STAB2: variants seen among roughly 807,000 people sequenced by gnomAD.
STAB2 encodes stabilin 2.
In STAB2, 288 loss-of-function variants were observed where a neutral mutation model predicts 338.1. That is an observed-to-expected ratio of 0.85 (90% CI 0.77 to 0.94). The LOEUF (loss-of-function observed/expected upper bound fraction) is 0.94, where lower values mean the gene tolerates loss of function less well. Among genes scored for constraint, STAB2 ranks in the 40% least tolerant of loss-of-function variants. The pLI, the probability that STAB2 is intolerant of heterozygous loss-of-function variation, is 0.00. For synonymous variants in STAB2, 1,202 were observed against 1,193.3 expected, an observed-to-expected ratio of 1.01 and a Z score of -0.15; for missense variants, 3,141 against 3,210.1, an observed-to-expected ratio of 0.98 and a Z score of 0.52.
At chr12:103,646,332 G>A (rs1422666760) in intron 9 of STAB2, among the ~76,000 whole-genome samples, 1 of 152,164 alleles carries the variant, frequency 6.6e-6, no homozygotes, top group Non-Finnish European at 1.5e-5. Flanking sequence ...CACTTACAAT[G>A]AAACTTCATT....
chr12:103,749,841 C>CAAAAAAAAAAAAAAAAAAAAA (rs369556936), intron 59 of STAB2, among the ~76,000 whole-genome samples: 2 of 51,152 alleles, frequency 3.9e-5, no homozygotes, highest in African/African-American at 7.1e-5. Context: ...CTCTGTCTCA[C>CAAAAAAAAAAAAAAAAAAAAA]AAAAAAAAAA....
intron 5 of STAB2, among the ~76,000 whole-genome samples, chr12:103,630,305 T>C (rs573195428): frequency 2.6e-5 from 4 of 152,214 alleles, no homozygotes; most frequent in Non-Finnish European, 5.9e-5. Flanking sequence ...TGATGGCTTA[T>C]TAGATGTTTG....
intron 2 of STAB2, among the ~76,000 whole-genome samples, chr12:103,591,705 G>A (rs550376256): frequency 6.6e-6 from 1 of 152,220 alleles, no homozygotes; most frequent in Admixed American, 6.5e-5. Context: ...CGAAGAAGGG[G>A]GAAAGATGAA....
intron 28 of STAB2, 63 bp from the exon 29 acceptor site, chr12:103,689,783 T>A: frequency 6.4e-7 from 1 of 1,573,662 alleles, no homozygotes; most frequent in Non-Finnish European, 8.6e-7. Context: ...TTCCAAGCAT[T>A]TAAGGCAGCT....
intron 9 of STAB2, among the ~76,000 whole-genome samples, chr12:103,641,830 G>T (rs1040015165): frequency 5.9e-5 from 9 of 152,096 alleles, no homozygotes; most frequent in Admixed American, 5.9e-4. Flanking sequence ...ACCTCAAATT[G>T]ACTGTCTTCA....
intron 30 of STAB2, among the ~76,000 whole-genome samples, chr12:103,692,158 G>A (rs1399980963): frequency 1.3e-5 from 2 of 152,204 alleles, no homozygotes; most frequent in Non-Finnish European, 2.9e-5. Flanking sequence ...TTGAGGGAAG[G>A]GCCTGTCTTT....
chr12:103,608,908 T>C (rs1051179355), intron 3 of STAB2, among the ~76,000 whole-genome samples: 1 of 152,262 alleles, frequency 6.6e-6, no homozygotes, highest in Admixed American at 6.5e-5. Flanking sequence ...TACATACGGC[T>C]AGCCAGTTTT....
chr12:103,612,592 CT>C (rs1201121908), intron 3 of STAB2, among the ~76,000 whole-genome samples: 1 of 152,110 alleles, frequency 6.6e-6, no homozygotes, highest in Non-Finnish European at 1.5e-5. Flanking sequence ...TTCATCTAGT[CT>C]TTTTTCAAGG....
rs1297561172 is a variant in STAB2, at chr12:103,676,066, T to C, written c.2646+45T>C. The stretch of plus-strand genomic sequence containing the variant: ...TCCACCCTGCCTGGTTTCTTTTTTT[T>C]TTTTTTTTTTTTTGAGACAGAGTCT... On this transcript the variant is annotated intron_variant, in intron 24 of 68. Transcript: ENST00000388887. 1.5e-5 allele frequency: 21 copies of C among 1,402,572 alleles called. No individual in the cohort carries two copies. In the Admixed American group the frequency reaches 2.1e-4, roughly 14 times the overall value. The allele number at this position is 1,402,572 out of a possible 1,614,324, so 86.9% of individuals were successfully genotyped here. A position where few individuals can be genotyped will look rare whatever the true frequency, so the allele number is the denominator to read the frequency against.
intron 3 of STAB2, among the ~76,000 whole-genome samples, chr12:103,602,271 G>A (rs2100981): frequency 0.32 from 48,927 of 152,026 alleles, 10,037 homozygotes; most frequent in African/African-American, 0.58. Flanking sequence ...AATCCGAGAT[G>A]CATCCATGTC....
chr12:103,725,062 G>C lies in STAB2; in HGVS notation c.4771G>C (p.Asp1591His). ...TACTTGCAAGCCAAACTACATTGGA[G>C]ATGGATTTACCTGCCGCGGCAGCAT... Reference protein sequence around the residue: ...TCTCKPNYIGDGFTCRGSIYQ... With the variant: ...TCTCKPNYIGHGFTCRGSIYQ... Residue 1591 changes from aspartate (D) to histidine (H), a missense_variant, in exon 45 of 69, where the codon GAT (aspartate) becomes CAT (histidine). Coordinates refer to ENST00000388887, the MANE Select transcript of STAB2 (RefSeq NM_017564.10). 1 of 1,613,596 alleles carries C rather than the reference G, an allele frequency of 6.2e-7. No homozygotes were observed. Among genetic ancestry groups the C allele is most frequent in the Non-Finnish European group, 8.5e-7 (1 of 1,179,500 alleles).
At position 103,647,328 on chromosome 12, in the gene STAB2, T is replaced by TA. The variant is rs111230871; in HGVS notation, c.1041-1352dup. Among the ~76,000 whole-genome samples, 40 of 147,778 alleles carry TA rather than the reference T, an allele frequency of 2.7e-4. 1 individual carries two copies. The highest frequency in any genetic ancestry group is 3.8e-4 in the Non-Finnish European group (25 of 66,468). On this transcript the variant is annotated intron_variant, in intron 9 of 68. Coordinates refer to ENST00000388887, the MANE Select transcript of STAB2 (RefSeq NM_017564.10). ...TTTAGAAACACACGTGGATTAACCATAAAAAAAAAAGAGTGCATAGTCTTT... is the reference window on the plus strand; with the variant it reads ...TTTAGAAACACACGTGGATTAACCATAAAAAAAAAAAGAGTGCATAGTCTTT...
At chr12:103,692,741 C>T in intron 30 of STAB2, 71 bp from the exon 31 acceptor site, 1 of 1,322,184 alleles carries the variant, frequency 7.6e-7, no homozygotes, top group Non-Finnish European at 1.1e-6. Flanking sequence ...AAGCAGAAAC[C>T]CCAGAGATCA....
chr12:103,690,428 C>A lies in STAB2; in HGVS notation c.3187C>A (p.His1063Asn). The A allele has an allele frequency of 6.2e-7, 1 of 1,611,950 alleles. No individual in the cohort carries two copies. The highest frequency in any genetic ancestry group is 8.5e-7 in the Non-Finnish European group (1 of 1,178,706). The change falls in exon 30 of 69, where the codon CAT becomes AAT. Residue 1063 changes from histidine (H) to asparagine (N), a missense_variant. Physicochemically the swap from His to Asn is moderately conservative, Grantham distance 68. Coordinates refer to ENST00000388887, the MANE Select transcript of STAB2 (RefSeq NM_017564.10). ...CTTTGTGGACTATTGTTTCAGGTAC[C>A]ATATGCTACTAGGCACATACAGAGT... ...QSNIPALIKYHMLLGTYRVAD... is the reference protein window; with the variant it reads ...QSNIPALIKYNMLLGTYRVAD...
chr12:103,674,718 C>T (rs192709574), intron 23 of STAB2, among the ~76,000 whole-genome samples: 148 of 152,326 alleles, frequency 9.7e-4, no homozygotes, highest in African/African-American at 3.1e-3. Context: ...AGCTCCAAGG[C>T]AGTAACCACC....
At chr12:103,620,660 C>A in intron 4 of STAB2, 107 bp downstream of exon 4, 1 of 958,732 alleles carries the variant, frequency 1.0e-6, no homozygotes, top group Non-Finnish European at 1.6e-6. Flanking sequence ...CACACGTGCA[C>A]ACACACATAT....
intron 25 of STAB2, 43 bp downstream of exon 25, chr12:103,677,654 G>A (rs774988152): frequency 5.0e-6 from 8 of 1,584,416 alleles, no homozygotes; most frequent in Non-Finnish European, 6.9e-6. Context: ...CAGGAATCCT[G>A]CAGTGACTTT....
chr12:103,711,667 G>A, intron 40 of STAB2, 151 bp downstream of exon 40: 1 of 887,478 alleles, frequency 1.1e-6, no homozygotes, highest in South Asian at 1.8e-5. Flanking sequence ...AAATATCTCT[G>A]AAGAGGCCAC....
intron 6 of STAB2, among the ~76,000 whole-genome samples, chr12:103,633,676 C>T (rs567184395): frequency 2.0e-4 from 30 of 152,094 alleles, no homozygotes; most frequent in Non-Finnish European, 4.0e-4. Context: ...ACTGAGACTC[C>T]GTCTCAAAAA....
Sources: gnomAD v4.1 joint callset for allele counts (sites outside exome capture counted in the v4.1 genomes callset) on GRCh38, gnomAD v4.1.1 for gene constraint, MANE v1.5 for transcripts, NCBI Gene and HGNC (gene_info 2026-07-23, HGNC 2026-07-21) for gene names.